The following LAMC1 variants were observed in gnomAD, a reference collection of about 807,000 sequenced individuals.
LAMC1 encodes laminin subunit gamma 1, also known as laminin subunit gamma-1.
A neutral mutation model predicts 173.6 loss-of-function variants in LAMC1; 38 were observed. The observed-to-expected ratio is 0.22, with a 90% CI of 0.17 to 0.29. The LOEUF is 0.29. Among genes scored for constraint, LAMC1 ranks in the 10% least tolerant of loss-of-function variants. The probability of loss-of-function intolerance (pLI) is 1.00; values close to 1 mark genes in which losing one functional copy is unlikely to be tolerated. For synonymous variants in LAMC1, 746 were observed against 749.1 expected, an observed-to-expected ratio of 1.00 and a Z score of 0.07; for missense variants, 1,824 against 2,051.8, an observed-to-expected ratio of 0.89 and a Z score of 2.14.
At chr1:183,073,657 A>G (rs1047831904) in intron 1 of LAMC1, among the ~76,000 whole-genome samples, 11 of 152,184 alleles carry the variant, frequency 7.2e-5, no homozygotes, top group African/African-American at 2.4e-4. Context: ...GCAAGTGAAC[A>G]TTGTTTTGGA....
At chr1:183,025,869 ATT>A (rs1446426834) in intron 1 of LAMC1, among the ~76,000 whole-genome samples, 1 of 152,130 alleles carries the variant, frequency 6.6e-6, no homozygotes, top group Non-Finnish European at 1.5e-5. Context: ...GGCTCTCAGA[ATT>A]TTCTCTTGTA....
At chr1:183,097,089 A>G (rs1655714017) in intron 1 of LAMC1, among the ~76,000 whole-genome samples, 1 of 152,326 alleles carries the variant, frequency 6.6e-6, no homozygotes, top group African/African-American at 2.4e-5. Flanking sequence ...TGTGCAATCC[A>G]TCCGCTGAGG....
rs1656362276 is a variant in LAMC1 at position 183,117,729 on chromosome 1, A to T, written c.1877+6A>T. The T allele has an allele frequency of 6.2e-7, 1 of 1,607,568 alleles. No individual in the cohort carries two copies. The highest frequency in any genetic ancestry group is 8.5e-7 in the Non-Finnish European group (1 of 1,175,624). On this transcript the variant is annotated splice_donor_region_variant and intron_variant, in intron 10 of 27. Coordinates refer to ENST00000258341, the MANE Select transcript of LAMC1 (RefSeq NM_002293.4). ...ACTGTGAAGTATGTCTTCAGGTAAG[A>T]TAGCCTTCTTTGTAAAGTGAGACTT...
At chr1:183,082,496 A>G (rs1200277769) in intron 1 of LAMC1, among the ~76,000 whole-genome samples, 1 of 152,194 alleles carries the variant, frequency 6.6e-6, no homozygotes, top group African/African-American at 2.4e-5. Context: ...GCAAAGGACC[A>G]TGAAGGGTCA....
At chr1:183,080,549 G>A (rs1373560106) in intron 1 of LAMC1, among the ~76,000 whole-genome samples, 1 of 152,178 alleles carries the variant, frequency 6.6e-6, no homozygotes, top group Non-Finnish European at 1.5e-5. Context: ...CTCAGCTGCA[G>A]CCTTGGGGCT....
chr1:183,024,197 C>G (rs1253268580), intron 1 of LAMC1, 63 bp downstream of exon 1: 9 of 1,456,174 alleles, frequency 6.2e-6, no homozygotes, highest in African/African-American at 2.8e-5. Flanking sequence ...CGGACCGGCT[C>G]CGTCCCAGTG....
chr1:183,034,028 C>T (rs1250236477), intron 1 of LAMC1, among the ~76,000 whole-genome samples: 1 of 151,680 alleles, frequency 6.6e-6, no homozygotes, highest in East Asian at 1.9e-4. Flanking sequence ...TGAAATATTT[C>T]CAGTGATCTG....
At chr1:183,132,643 A>G (rs1350178677) in intron 21 of LAMC1, 106 bp downstream of exon 21, 3 of 818,100 alleles carry the variant, frequency 3.7e-6, no homozygotes, top group Non-Finnish European at 5.8e-6. Context: ...ACATTCATGC[A>G]GTAAGATTTC....
intron 1 of LAMC1, among the ~76,000 whole-genome samples, chr1:183,028,704 A>C (rs1224342806): frequency 2.0e-5 from 3 of 152,240 alleles, no homozygotes; most frequent in African/African-American, 7.2e-5. Flanking sequence ...GTTCAGAGAT[A>C]CCAGACTCCT....
At chr1:183,100,994 C>A (rs1655821139) in intron 1 of LAMC1, among the ~76,000 whole-genome samples, 1 of 152,170 alleles carries the variant, frequency 6.6e-6, no homozygotes, top group African/African-American at 2.4e-5. Flanking sequence ...GTGTCTGTGG[C>A]TGCAGCAAGA....
intron 1 of LAMC1, among the ~76,000 whole-genome samples, chr1:183,035,503 G>A (rs764991970): frequency 6.6e-6 from 1 of 152,064 alleles, no homozygotes; most frequent in Non-Finnish European, 1.5e-5. Flanking sequence ...TGTTTTCAGT[G>A]GAAGAATTTT....
intron 20 of LAMC1, 88 bp downstream of exon 20, chr1:183,131,466 C>A (rs773600291): frequency 3.8e-5 from 12 of 312,438 alleles, no homozygotes; most frequent in Non-Finnish European, 5.4e-5. Context: ...TGTGTATTGT[C>A]TTATCCCATA....
At chr1:183,094,698 ATATCT>A (rs1553255930) in intron 1 of LAMC1, among the ~76,000 whole-genome samples, 5 of 152,216 alleles carry the variant, frequency 3.3e-5, no homozygotes, top group East Asian at 1.9e-4. Context: ...AGTATGTAAG[ATATCT>A]TATGGTATTT....
intron 1 of LAMC1, among the ~76,000 whole-genome samples, chr1:183,035,832 A>G (rs956769943): frequency 5.9e-5 from 9 of 152,152 alleles, no homozygotes; most frequent in African/African-American, 2.2e-4. Flanking sequence ...CCTAGACTAA[A>G]TGCAGCTGGA....
At chr1:183,135,315 A>T (rs903690133) in intron 24 of LAMC1, among the ~76,000 whole-genome samples, 159 bp downstream of exon 24, 2 of 152,132 alleles carry the variant, frequency 1.3e-5, no homozygotes, top group African/African-American at 4.8e-5. Flanking sequence ...CTGTCATTTT[A>T]TCCCTGCATA....
intron 4 of LAMC1, among the ~76,000 whole-genome samples, chr1:183,111,832 C>T (rs575366792): frequency 2.0e-5 from 3 of 152,136 alleles, no homozygotes; most frequent in Admixed American, 6.5e-5. Flanking sequence ...GTCAGGAGTT[C>T]GAGACCAGCC....
intron 22 of LAMC1, 104 bp downstream of exon 22, chr1:183,133,654 G>A: frequency 8.9e-7 from 1 of 1,124,876 alleles, no homozygotes; most frequent in Non-Finnish European, 1.2e-6. Flanking sequence ...TGACTCGCTG[G>A]TAAAGTTGAG....
intron 16 of LAMC1, among the ~76,000 whole-genome samples, chr1:183,126,873 G>A (rs1042233152): frequency 1.4e-4 from 22 of 152,314 alleles, no homozygotes; most frequent in African/African-American, 5.3e-4. Flanking sequence ...TAGCATTTGG[G>A]TTTTCTAGTT....
At position 183,118,133 on chromosome 1, in the gene LAMC1, A is replaced by C. The variant is rs1417618481; in HGVS notation, c.1977A>C (p.Thr659=). ...TGACCTCTATCAAGATACGTGGGAC[A>C]TACAGTGAGAGAAGTAAGTTATGAT... ...NNLTSIKIRG[T]YSERSAGYLD... The change falls in exon 11 of 28, where the codon ACA becomes ACC. Residue 659 remains threonine (T), a synonymous_variant. Transcript: ENST00000258341. The C allele has an allele frequency of 1.3e-6, 2 of 1,565,248 alleles. No individual in the cohort carries two copies. Among genetic ancestry groups the C allele is most frequent in the Non-Finnish European group, 1.8e-6 (2 of 1,136,802 alleles).
Sources: gnomAD v4.1 joint callset for allele counts (sites outside exome capture counted in the v4.1 genomes callset) on GRCh38, gnomAD v4.1.1 for gene constraint, MANE v1.5 for transcripts, NCBI Gene and HGNC (gene_info 2026-07-23, HGNC 2026-07-21) for gene names.